RALYL: variants seen among roughly 807,000 people sequenced by gnomAD.
The protein encoded by RALYL is RALY RNA binding protein like.
Under a neutral mutation model 35.1 loss-of-function variants are expected in RALYL, and 29 were observed. That is an observed-to-expected ratio of 0.83 (90% CI 0.61 to 1.13). The LOEUF (loss-of-function observed/expected upper bound fraction) is 1.13, where lower values mean the gene tolerates loss of function less well. Among genes scored for constraint, RALYL ranks in the 50% most tolerant of loss-of-function variants. The pLI, the probability that RALYL is intolerant of heterozygous loss-of-function variation, is 0.00. For missense variants in RALYL, 359 were observed against 360.4 expected (o/e 1.00, Z 0.03); for synonymous variants, 120 against 127.6 (o/e 0.94, Z 0.40).
chr8:84,319,769 T>C (rs957298138), intron 1 of RALYL, among the ~76,000 whole-genome samples: 2 of 152,102 alleles, frequency 1.3e-5, no homozygotes, highest in African/African-American at 4.8e-5. Context: ...CAATACTTTT[T>C]CTCTCCATCA....
At chr8:84,377,211 G>A (rs1291439528) in intron 1 of RALYL, among the ~76,000 whole-genome samples, 1 of 151,706 alleles carries the variant, frequency 6.6e-6, no homozygotes, top group African/African-American at 2.4e-5. Flanking sequence ...TTGAAGGTCT[G>A]GAGTCTGAAT....
At chr8:84,589,277 A>G (rs1044411864) in intron 2 of RALYL, among the ~76,000 whole-genome samples, 9 of 152,232 alleles carry the variant, frequency 5.9e-5, no homozygotes, top group African/African-American at 2.2e-4. Flanking sequence ...GGGATTCCTG[A>G]AAGAAAATCT....
At chr8:84,391,158 A>T (rs1411080004) in intron 1 of RALYL, among the ~76,000 whole-genome samples, 1 of 151,946 alleles carries the variant, frequency 6.6e-6, no homozygotes, top group Non-Finnish European at 1.5e-5. Context: ...CTTGGATAAC[A>T]TCTCATTGCG....
intron 8 of RALYL, among the ~76,000 whole-genome samples, chr8:84,888,789 C>G (rs10085930): frequency 1.1e-4 from 16 of 151,712 alleles, no homozygotes; most frequent in Non-Finnish European, 2.4e-4. Context: ...TCACTCTGTC[C>G]CCCAGGCTGG....
chr8:84,308,443 T>A (rs1416310941), intron 1 of RALYL, among the ~76,000 whole-genome samples: 1 of 151,252 alleles, frequency 6.6e-6, no homozygotes, highest in African/African-American at 2.4e-5. Flanking sequence ...ACTTTCTAGG[T>A]CTCTTCCTCA....
chr8:84,392,823 T>G (rs994466150), intron 1 of RALYL, among the ~76,000 whole-genome samples: 10 of 152,074 alleles, frequency 6.6e-5, no homozygotes, highest in African/African-American at 2.4e-4. Context: ...CTATTTTACT[T>G]GTAATATCTT....
At chr8:84,801,279 T>C (rs1214570584) in intron 3 of RALYL, among the ~76,000 whole-genome samples, 1 of 152,220 alleles carries the variant, frequency 6.6e-6, no homozygotes, top group Non-Finnish European at 1.5e-5. Flanking sequence ...TTATCATCTA[T>C]GGCTTGGAGG....
At chr8:84,519,059 T>C (rs527928140) in intron 1 of RALYL, among the ~76,000 whole-genome samples, 1 of 152,362 alleles carries the variant, frequency 6.6e-6, no homozygotes, top group Admixed American at 6.5e-5. Context: ...TTATTCTTTC[T>C]ACATTGCTGT....
At chr8:84,431,612 A>G (rs2047153460) in intron 1 of RALYL, among the ~76,000 whole-genome samples, 2 of 152,074 alleles carry the variant, frequency 1.3e-5, no homozygotes, top group South Asian at 4.1e-4. Flanking sequence ...TATAGTATCA[A>G]CCTTTTTTGA....
At chr8:84,722,983 C>CA (rs908881288) in intron 2 of RALYL, among the ~76,000 whole-genome samples, 16 of 151,682 alleles carry the variant, frequency 1.1e-4, no homozygotes, top group African/African-American at 3.6e-4. Flanking sequence ...TCTACAATTT[C>CA]AAAAAAAGCT....
At chr8:84,330,275 T>C (rs1168639144) in intron 1 of RALYL, among the ~76,000 whole-genome samples, 1 of 152,026 alleles carries the variant, frequency 6.6e-6, no homozygotes, top group Admixed American at 6.6e-5. Flanking sequence ...CACTCTACTG[T>C]TTATAAGAGC....
chr8:84,317,512 GA>G lies in RALYL; in HGVS notation c.-24+133090del, dbSNP rs1429522325. Among the ~76,000 whole-genome samples the G allele has an allele frequency of 2.0e-5, 3 of 152,318 alleles. No homozygotes were observed. In the East Asian group the frequency reaches 5.8e-4, roughly 29 times the overall value. On this transcript the variant is annotated intron_variant, in intron 1 of 8. Transcript: ENST00000521268. ...TAGATGTGTCTCTTTAGCAATGAGA[GA>G]ATCTTTTCAGGAACCCTTAAACAGA...
intron 2 of RALYL, among the ~76,000 whole-genome samples, chr8:84,757,401 A>G (rs1208103609): frequency 6.6e-6 from 1 of 152,184 alleles, no homozygotes; most frequent in Non-Finnish European, 1.5e-5. Flanking sequence ...ACATTTCGGT[A>G]CAGACATTCA....
intron 2 of RALYL, among the ~76,000 whole-genome samples, chr8:84,617,901 A>G (rs180964353): frequency 2.0e-5 from 3 of 151,626 alleles, no homozygotes; most frequent in Admixed American, 6.6e-5. Context: ...ACATTTATTG[A>G]TTTGCGTATA....
chr8:84,293,248 A>G (rs574072997), intron 1 of RALYL, among the ~76,000 whole-genome samples: 242 of 152,286 alleles, frequency 1.6e-3, no homozygotes, highest in African/African-American at 5.6e-3. Flanking sequence ...GAGAGAAAGA[A>G]CAACTCCAAT....
intron 2 of RALYL, among the ~76,000 whole-genome samples, chr8:84,672,737 A>G (rs1833507576): frequency 1.3e-5 from 2 of 152,128 alleles, no homozygotes; most frequent in Non-Finnish European, 2.9e-5. Flanking sequence ...ATCTCATGAG[A>G]CTTATTCACT....
At chr8:84,497,645 T>C in intron 1 of RALYL, among the ~76,000 whole-genome samples, 1 of 146,770 alleles carries the variant, frequency 6.8e-6, no homozygotes, top group East Asian at 2.0e-4. Flanking sequence ...TGTTTTTGTT[T>C]TTTTTTTTTT....
chr8:84,306,199 G>A (rs967524177), intron 1 of RALYL, among the ~76,000 whole-genome samples: 1 of 151,592 alleles, frequency 6.6e-6, no homozygotes, highest in Non-Finnish European at 1.5e-5. Context: ...CTCTTTCAGT[G>A]GCAAAGCTTA....
At position 84,184,218 on chromosome 8, in the gene RALYL, C is replaced by CT. The variant is rs568821681; in HGVS notation, c.-224dup. On this transcript the variant is annotated 5_prime_UTR_variant, in exon 1 of 9. It introduces an in-frame stop codon into an upstream open reading frame of the 5' UTR. Transcript: ENST00000521268. ...TTAACTATGACTTTTGCACATTTGA[C>CT]TTTTTTAAAAAACCGAGATAATTTT... 1 of 151,794 alleles carries CT rather than the reference C, an allele frequency of 6.6e-6. No homozygotes were observed. The highest frequency in any genetic ancestry group is 6.6e-5 in the Admixed American group (1 of 15,240). The allele number at this position is 151,794 out of a possible 1,614,324, so 9.4% of individuals were successfully genotyped here.
Sources: allele counts gnomAD v4.1 joint callset (sites outside exome capture counted in the v4.1 genomes callset), GRCh38; gene constraint gnomAD v4.1.1; transcripts MANE v1.5; gene names NCBI Gene and HGNC (gene_info 2026-07-23, HGNC 2026-07-21).